Variants in CORO1C observed in about 807,000 individuals in gnomAD.
The protein encoded by CORO1C is coronin 1C.
In CORO1C, 14 loss-of-function variants were observed where a neutral mutation model predicts 51.2. The observed-to-expected ratio is 0.27, with a 90% CI of 0.18 to 0.43. The LOEUF is 0.43. Among genes scored for constraint, CORO1C ranks in the 20% least tolerant of loss-of-function variants. The pLI is 1.00. For synonymous variants in CORO1C, 181 were observed against 210.5 expected, an observed-to-expected ratio of 0.86 and a Z score of 1.21; for missense variants, 417 against 607.8, an observed-to-expected ratio of 0.69 and a Z score of 3.30.
chr12:108,661,966 C>G, intron 4 of CORO1C, 63 bp downstream of exon 4: 1 of 1,589,360 alleles, frequency 6.3e-7, no homozygotes, highest in Middle Eastern at 1.7e-4. Context: ...ACATTTGCTT[C>G]CCCCCACTCA....
chr12:108,720,745 G>A (rs1459100875), intron 1 of CORO1C, among the ~76,000 whole-genome samples: 4 of 151,952 alleles, frequency 2.6e-5, no homozygotes, highest in South Asian at 2.1e-4. Context: ...GGATGGTCTC[G>A]ACATCCTGAC....
At chr12:108,657,185 A>C in intron 6 of CORO1C, 119 bp downstream of exon 6, 1 of 1,350,790 alleles carries the variant, frequency 7.4e-7, no homozygotes, top group Non-Finnish European at 1.0e-6. Flanking sequence ...AATCTAAGAC[A>C]ATCAGGCGTT....
At chr12:108,689,642 A>G (rs1280822172) in intron 2 of CORO1C, among the ~76,000 whole-genome samples, 1 of 152,238 alleles carries the variant, frequency 6.6e-6, no homozygotes, top group Non-Finnish European at 1.5e-5. Context: ...TAAGGGCCTA[A>G]GAGCCCCCAC....
At chr12:108,682,996 A>T (rs2034174576) in intron 2 of CORO1C, among the ~76,000 whole-genome samples, 1 of 152,244 alleles carries the variant, frequency 6.6e-6, no homozygotes, top group African/African-American at 2.4e-5. Context: ...GCAACATACA[A>T]CTAAAACAGA....
At chr12:108,654,666 G>A (rs1241173306) in intron 6 of CORO1C, among the ~76,000 whole-genome samples, 1 of 151,660 alleles carries the variant, frequency 6.6e-6, no homozygotes, top group Non-Finnish European at 1.5e-5. Context: ...TCATGACAAT[G>A]ATGAGAAAGC....
At chr12:108,697,255 T>C (rs1004959358) in intron 2 of CORO1C, among the ~76,000 whole-genome samples, 2 of 152,156 alleles carry the variant, frequency 1.3e-5, no homozygotes, top group African/African-American at 4.8e-5. Context: ...CGTGTACATA[T>C]TCAGTATTAT....
intron 1 of CORO1C, 140 bp from the exon 2 acceptor site, chr12:108,701,463 T>C: frequency 7.3e-7 from 1 of 1,366,904 alleles, no homozygotes. Flanking sequence ...CAAATTGCAA[T>C]CCAAATTTCT....
At chr12:108,710,248 C>T (rs1385809915) in intron 1 of CORO1C, among the ~76,000 whole-genome samples, 1 of 152,182 alleles carries the variant, frequency 6.6e-6, no homozygotes, top group Non-Finnish European at 1.5e-5. Flanking sequence ...AAACCTCTAT[C>T]TTAGAAACAT....
intron 1 of CORO1C, among the ~76,000 whole-genome samples, chr12:108,712,442 C>A (rs529120287): frequency 1.3e-5 from 2 of 151,710 alleles, no homozygotes; most frequent in Non-Finnish European, 2.9e-5. Flanking sequence ...GGCGTGGTTG[C>A]AGGTGCCTGT....
intron 2 of CORO1C, among the ~76,000 whole-genome samples, chr12:108,697,924 T>G (rs1479069280): frequency 6.6e-6 from 1 of 152,168 alleles, no homozygotes; most frequent in African/African-American, 2.4e-5. Flanking sequence ...TATACCAAAA[T>G]TATAAGGTAG....
chr12:108,693,480 G>A (rs941400166), intron 2 of CORO1C, among the ~76,000 whole-genome samples: 2 of 152,096 alleles, frequency 1.3e-5, no homozygotes, highest in Non-Finnish European at 2.9e-5. Flanking sequence ...ATAAAACAGT[G>A]CTTATTCTAG....
intron 1 of CORO1C, among the ~76,000 whole-genome samples, chr12:108,727,722 A>G (rs1390885036): frequency 6.6e-5 from 10 of 152,228 alleles, no homozygotes; most frequent in Non-Finnish European, 1.5e-5. Flanking sequence ...TCTAACTAGT[A>G]AGACCCCACT....
intron 2 of CORO1C, among the ~76,000 whole-genome samples, chr12:108,678,732 A>C (rs1348625185): frequency 1.3e-5 from 2 of 151,992 alleles, no homozygotes; most frequent in Non-Finnish European, 2.9e-5. Flanking sequence ...AAAAAAAAAA[A>C]AAAAACCCTA....
chr12:108,701,073 T>A, intron 2 of CORO1C, 51 bp downstream of exon 2: 2 of 1,577,118 alleles, frequency 1.3e-6, no homozygotes, highest in Non-Finnish European at 1.7e-6. Flanking sequence ...AAGGAAAAAG[T>A]ATGGAGACTA....
intron 1 of CORO1C, among the ~76,000 whole-genome samples, chr12:108,706,191 A>AC (rs2035024971): frequency 1.3e-5 from 2 of 151,448 alleles, no homozygotes. Flanking sequence ...TGAATCAAAA[A>AC]AAAACAAAAA....
chr12:108,681,834 C>G (rs1397203020), intron 2 of CORO1C, among the ~76,000 whole-genome samples: 1 of 151,902 alleles, frequency 6.6e-6, no homozygotes, highest in African/African-American at 2.4e-5. Context: ...ATAAATAAAG[C>G]AAATACAAAC....
At position 108,652,431 on chromosome 12, in the gene CORO1C, G is replaced by C. The variant is rs759854530; in HGVS notation, c.856-14C>G. 1.2e-6 allele frequency: 2 copies of C among 1,610,618 alleles called. No individual in the cohort carries two copies. Among genetic ancestry groups the C allele is most frequent in the South Asian group, 2.2e-5 (2 of 90,982 alleles). ...ACTGCTGTCACCCTGTAAGAAACCAGAGACAAGTCTGTGTCTGATTGTTAA... is the reference window on the plus strand; with the variant it reads ...ACTGCTGTCACCCTGTAAGAAACCACAGACAAGTCTGTGTCTGATTGTTAA... On this transcript the variant is annotated splice_polypyrimidine_tract_variant and intron_variant, in intron 7 of 10. Transcript: ENST00000261401.
rs538749216 is a variant in CORO1C, at chr12:108,647,285, T to C, written c.*118A>G. The stretch of plus-strand genomic sequence containing the variant: ...CTATCGCTGGTTGACAAATCTGAAA[T>C]GGAATGTCTCCAAATGGCAGTGCCT... On this transcript the variant is annotated 3_prime_UTR_variant, in exon 11 of 11. Coordinates refer to ENST00000261401, the MANE Select transcript of CORO1C (RefSeq NM_014325.4). 22 of 904,560 alleles carry C rather than the reference T, an allele frequency of 2.4e-5. No homozygotes were observed. In the African/African-American group the frequency reaches 3.6e-4, roughly 15 times the overall value. 56.0% of individuals were successfully genotyped at this position (904,560 alleles called of 1,614,324 possible). A position where few individuals can be genotyped will look rare whatever the true frequency, so the allele number is the denominator to read the frequency against.
intron 7 of CORO1C, 86 bp downstream of exon 7, chr12:108,654,220 C>T (rs1317620107): frequency 1.2e-6 from 1 of 868,572 alleles, no homozygotes; most frequent in Non-Finnish European, 1.9e-6. Context: ...TAAACAGATA[C>T]AACACATTGC....
Sources: allele counts gnomAD v4.1 joint callset (sites outside exome capture counted in the v4.1 genomes callset), GRCh38; gene constraint gnomAD v4.1.1; transcripts MANE v1.5; gene names NCBI Gene and HGNC (gene_info 2026-07-23, HGNC 2026-07-21).